The following ACTR3C variants were observed in gnomAD, a reference collection of about 807,000 sequenced individuals.
The protein encoded by ACTR3C is actin-related protein 3C.
ACTR3C carries 18 observed loss-of-function variants against 26.3 expected under a neutral mutation model. The ratio of observed to expected loss-of-function variants is 0.68; its 90% CI spans 0.47 to 1.01. The LOEUF is 1.01. Ranked by LOEUF, ACTR3C falls within the 50% of genes least tolerant of loss-of-function variation. ACTR3C has a pLI of 0.00. For missense variants in ACTR3C, 184 were observed against 250.7 expected (o/e 0.73, Z 1.80); for synonymous variants, 55 against 94.5 (o/e 0.58, Z 2.42).
At chr7:150,205,512 C>A in the ACTR3C span, among the ~76,000 whole-genome samples, 1 of 152,284 alleles carries the variant, frequency 6.6e-6, no homozygotes, top group East Asian at 1.9e-4. Context: ...CTCCAATTGC[C>A]ACAAAACGCC....
the ACTR3C span, among the ~76,000 whole-genome samples, chr7:149,935,967 T>C: frequency 2.0e-5 from 3 of 152,148 alleles, no homozygotes; most frequent in Admixed American, 1.3e-4. Context: ...GGCACTTAGT[T>C]ATGCACAGTC....
At chr7:150,128,045 A>C in the ACTR3C span, among the ~76,000 whole-genome samples, 1 of 130,674 alleles carries the variant, frequency 7.7e-6, no homozygotes, top group Non-Finnish European at 1.6e-5. Context: ...ACCTGATCAA[A>C]TTCATTCCAA....
chr7:149,960,482 G>A, the ACTR3C span, among the ~76,000 whole-genome samples: 6 of 152,144 alleles, frequency 3.9e-5, no homozygotes, highest in African/African-American at 1.4e-4. Context: ...ATTTAATTAT[G>A]TCTCCTAGGG....
the ACTR3C span, among the ~76,000 whole-genome samples, chr7:149,991,589 T>C: frequency 1.3e-5 from 2 of 152,186 alleles, no homozygotes; most frequent in Non-Finnish European, 2.9e-5. Context: ...ATCCCTCTCC[T>C]CATTAATGAT....
At chr7:150,170,839 T>A in the ACTR3C span, among the ~76,000 whole-genome samples, 2 of 145,798 alleles carry the variant, frequency 1.4e-5, no homozygotes, top group Non-Finnish European at 3.0e-5. Context: ...CACGTTAATA[T>A]CAGATAAAGT....
chr7:150,192,356 T>C, the ACTR3C span, among the ~76,000 whole-genome samples: 2 of 152,140 alleles, frequency 1.3e-5, no homozygotes, highest in East Asian at 3.8e-4. Flanking sequence ...TGGAGTGCAG[T>C]GGTGCAATCA....
chr7:150,033,753 GT>G, the ACTR3C span, among the ~76,000 whole-genome samples: 7 of 147,434 alleles, frequency 4.7e-5, no homozygotes, highest in Admixed American at 1.3e-4. Flanking sequence ...CCCCACCCTC[GT>G]GGGGGGTGCT....
intron 1 of ACTR3C, among the ~76,000 whole-genome samples, chr7:150,311,870 G>C (rs538862060): frequency 6.6e-6 from 1 of 152,158 alleles, no homozygotes; most frequent in Non-Finnish European, 1.5e-5. Context: ...CCAAAGGAAT[G>C]CACATTAACA....
the ACTR3C span, among the ~76,000 whole-genome samples, chr7:149,931,750 C>A: frequency 6.6e-6 from 1 of 151,766 alleles, no homozygotes; most frequent in Non-Finnish European, 1.5e-5. Flanking sequence ...GGGGTGCCAA[C>A]AGCAGAAGAA....
At chr7:150,259,980 T>C (rs1444840023) in intron 6 of ACTR3C, among the ~76,000 whole-genome samples, 1 of 152,218 alleles carries the variant, frequency 6.6e-6, no homozygotes, top group African/African-American at 2.4e-5. Flanking sequence ...TTTTGACCTT[T>C]TGTTCCGTAC....
At chr7:149,913,759 T>C in the ACTR3C span, among the ~76,000 whole-genome samples, 12 of 151,224 alleles carry the variant, frequency 7.9e-5, no homozygotes, top group African/African-American at 2.9e-4. Context: ...CATTTTTATA[T>C]AATGCAAGCT....
the ACTR3C span, among the ~76,000 whole-genome samples, chr7:150,236,184 T>A: frequency 6.6e-6 from 1 of 152,362 alleles, no homozygotes; most frequent in African/African-American, 2.4e-5. Flanking sequence ...GAAGCACGAA[T>A]TGAATTTATT....
chr7:149,888,922 C>T, the ACTR3C span, among the ~76,000 whole-genome samples: 3,402 of 151,942 alleles, frequency 0.022, 122 homozygotes, highest in African/African-American at 0.078. Context: ...GCAGGAGAAT[C>T]GCTTGAACCT....
chr7:150,077,453 G>A, the ACTR3C span, among the ~76,000 whole-genome samples: 1 of 152,284 alleles, frequency 6.6e-6, no homozygotes, highest in East Asian at 1.9e-4. Flanking sequence ...GGGTAAGTCT[G>A]CACCTTTGTC....
At chr7:150,067,542 T>C in the ACTR3C span, among the ~76,000 whole-genome samples, 3 of 152,124 alleles carry the variant, frequency 2.0e-5, no homozygotes, top group Non-Finnish European at 4.4e-5. Flanking sequence ...TCAGATTCTA[T>C]CACTTGTGGG....
chr7:150,158,816 G>C, the ACTR3C span, among the ~76,000 whole-genome samples: 1 of 149,004 alleles, frequency 6.7e-6, no homozygotes, highest in Admixed American at 6.6e-5. Context: ...ACACACACAG[G>C]CACACACATG....
chr7:150,027,160 G>A, the ACTR3C span, among the ~76,000 whole-genome samples: 1 of 152,058 alleles, frequency 6.6e-6, no homozygotes, highest in Non-Finnish European at 1.5e-5. Flanking sequence ...TGGGGCTCTA[G>A]GGAAACTTTC....
the ACTR3C span, among the ~76,000 whole-genome samples, chr7:149,975,049 A>G: frequency 1.3e-5 from 2 of 152,328 alleles, no homozygotes; most frequent in East Asian, 3.9e-4. Flanking sequence ...GAAGCGAGGT[A>G]TATTAGGGAT....
chr7:150,049,740 C>T, the ACTR3C span, among the ~76,000 whole-genome samples: 1 of 152,208 alleles, frequency 6.6e-6, no homozygotes, highest in Non-Finnish European at 1.5e-5. Context: ...CACCTGCCTC[C>T]CTTCCCCAAG....
Sources: gnomAD v4.1 joint callset for allele counts (sites outside exome capture counted in the v4.1 genomes callset) on GRCh38, gnomAD v4.1.1 for gene constraint, MANE v1.5 for transcripts, NCBI Gene and HGNC (gene_info 2026-07-23, HGNC 2026-07-21) for gene names.